FAM20C: variants seen among roughly 807,000 people sequenced by gnomAD.
FAM20C encodes the protein extracellular serine/threonine protein kinase FAM20C.
FAM20C carries 40 observed loss-of-function variants against 51.5 expected under a neutral mutation model. The ratio of observed to expected loss-of-function variants is 0.78; its 90% CI spans 0.60 to 1.01. The LOEUF (loss-of-function observed/expected upper bound fraction) is 1.01. Among genes scored for constraint, FAM20C ranks in the 50% least tolerant of loss-of-function variants. The pLI is 0.00. For synonymous variants in FAM20C, 406 were observed against 380.6 expected, an observed-to-expected ratio of 1.07 and a Z score of -0.78; for missense variants, 861 against 844.7, an observed-to-expected ratio of 1.02 and a Z score of -0.24.
intron 3 of FAM20C, among the ~76,000 whole-genome samples, chr7:216,548 G>A (rs1236563143): frequency 2.0e-5 from 3 of 151,862 alleles, no homozygotes; most frequent in East Asian, 1.9e-4. Context: ...GATGCTGGCC[G>A]GGGAATCTTT....
Position 256,670 on chromosome 7 carries a change from G to A in FAM20C, c.1270G>A (p.Asp424Asn). ...RKKAEWEVDP[D>N]YCEEVKQTPP... The stretch of plus-strand genomic sequence containing the variant: ...TCCCCGCAGGTGGGAGGTGGACCCT[G>A]ACTACTGCGAGGAGGTGAAGCAGAC... The change falls in exon 7 of 10, where the codon GAC becomes AAC. Residue 424 changes from aspartate (D) to asparagine (N), a missense_variant. Asp to Asn is a conservative substitution (Grantham distance 23). Around this residue, in one of 3 missense-constraint regions of FAM20C, gnomAD observed 269 missense variants for 283.8 expected, o/e 0.95. Transcript: ENST00000313766. 6.5e-7 allele frequency: 1 copy of A among 1,536,046 alleles called. No individual in the cohort carries two copies. The highest frequency in any genetic ancestry group is 8.7e-7 in the Non-Finnish European group (1 of 1,146,798).
chr7:252,967 A>G (rs572021528), intron 5 of FAM20C, among the ~76,000 whole-genome samples: 239 of 152,370 alleles, frequency 1.6e-3, no homozygotes, highest in African/African-American at 5.5e-3. Context: ...GAGCGCCCCC[A>G]GGACCAGGCC....
chr7:193,630 G>T lies in FAM20C; in HGVS notation c.431G>T (p.Gly144Val). 1.3e-6 allele frequency: 2 copies of T among 1,538,366 alleles called. No individual in the cohort carries two copies. Among genetic ancestry groups the T allele is most frequent in the Non-Finnish European group, 1.8e-6 (2 of 1,142,690 alleles). Residue 144 changes from glycine to valine, a missense_variant, in exon 1 of 10, where the codon GGC becomes GTC. Around this residue, in one of 3 missense-constraint regions of FAM20C, gnomAD observed 561 missense variants for 499.8 expected, o/e 1.12. Transcript: ENST00000313766. ...CACCGGCCGCTGCTGCGAGACCCCG[G>T]CCCGCGTCGGTCCGAGTCGCCCCCC... ...PAHRPLLRDP[G>V]PRRSESPPGP...
At chr7:223,220 T>G (rs1033927680) in intron 3 of FAM20C, among the ~76,000 whole-genome samples, 1 of 152,108 alleles carries the variant, frequency 6.6e-6, no homozygotes, top group Non-Finnish European at 1.5e-5. Context: ...AAGCCTGAAG[T>G]GTGGGCGTGT....
chr7:223,321 G>T (rs2115100657), intron 3 of FAM20C, among the ~76,000 whole-genome samples: 1 of 152,294 alleles, frequency 6.6e-6, no homozygotes, highest in African/African-American at 2.4e-5. Flanking sequence ...GCGGGTGGGT[G>T]CTGAGTCTTA....
At chr7:214,256 C>T (rs58725851) in intron 3 of FAM20C, among the ~76,000 whole-genome samples, 2,672 of 151,790 alleles carry the variant, frequency 0.018, 73 homozygotes, top group African/African-American at 0.059. Flanking sequence ...ACCCGGGAGG[C>T]GGAGGTTGCA....
intron 2 of FAM20C, among the ~76,000 whole-genome samples, chr7:206,122 C>T (rs548056935): frequency 8.5e-5 from 13 of 152,280 alleles, no homozygotes; most frequent in Admixed American, 2.0e-4. Context: ...GGCTGGGTTC[C>T]GTCTTCCTTC....
At chr7:218,510 C>T (rs1046966630) in intron 3 of FAM20C, among the ~76,000 whole-genome samples, 5 of 152,196 alleles carry the variant, frequency 3.3e-5, no homozygotes, top group South Asian at 2.1e-4. Context: ...GAGGCCGGGA[C>T]GCCAAGCTCC....
chr7:236,797 G>A (rs906619125), intron 3 of FAM20C, among the ~76,000 whole-genome samples: 6,912 of 104,732 alleles, frequency 0.066, 24 homozygotes, highest in African/African-American at 0.22. Flanking sequence ...GGAATCTGGG[G>A]TCCCGGTGGC....
chr7:195,709 G>C lies in FAM20C; in HGVS notation c.761G>C (p.Ser254Thr). 8 of 1,608,084 alleles carry C rather than the reference G, an allele frequency of 5.0e-6. No homozygotes were observed. Among genetic ancestry groups the C allele is most frequent in the Non-Finnish European group, 6.8e-6 (8 of 1,177,066 alleles). Residue 254 changes from serine (S) to threonine (T), a missense_variant, in exon 2 of 10, where the codon AGC becomes ACC. Ser to Thr is a moderately conservative substitution (Grantham distance 58, BLOSUM62 1). Transcript: ENST00000313766. ...ATCGAGGCCCTGCTGCACGACCTCAGCTCCCAGAGGATCACCAGCGTGGGT... is the reference window on the plus strand; with the variant it reads ...ATCGAGGCCCTGCTGCACGACCTCACCTCCCAGAGGATCACCAGCGTGGGT... The part of the protein sequence containing the change: ...PAIEALLHDL[S>T]SQRITSVAMK...
At chr7:240,376 A>T (rs1787902279) in intron 3 of FAM20C, among the ~76,000 whole-genome samples, 1 of 150,640 alleles carries the variant, frequency 6.6e-6, no homozygotes, top group Non-Finnish European at 1.5e-5. Flanking sequence ...GGTGGAGGTG[A>T]TGATCATGGT....
chr7:218,196 C>A (rs966769357), intron 3 of FAM20C, among the ~76,000 whole-genome samples: 4 of 152,354 alleles, frequency 2.6e-5, no homozygotes, highest in Admixed American at 6.5e-5. Flanking sequence ...CAGCCACAAC[C>A]ACACTGGCTG....
In FAM20C at chr7:260,033, C is replaced by T. The variant is rs900826021; in HGVS notation, c.*53C>T. 2.4e-5 allele frequency: 35 copies of T among 1,450,124 alleles called. No individual in the cohort carries two copies. The highest frequency in any genetic ancestry group is 3.0e-5 in the Non-Finnish European group (33 of 1,099,416). 89.8% of individuals were successfully genotyped at this position (1,450,124 alleles called of 1,614,324 possible). ...ACGGAGACAGAGGCGCCGGACCTCC[C>T]AGCAAGCGCATGCGCCCGTCGTGAA... On this transcript the variant is annotated 3_prime_UTR_variant, in exon 10 of 10. Coordinates refer to ENST00000313766, the MANE Select transcript of FAM20C (RefSeq NM_020223.4).
intron 2 of FAM20C, among the ~76,000 whole-genome samples, chr7:204,272 G>C (rs1039488859): frequency 2.6e-5 from 4 of 152,196 alleles, no homozygotes; most frequent in African/African-American, 9.7e-5. Flanking sequence ...ACGGAGCCTC[G>C]AGCTGCTGGC....
At chr7:204,419 T>G (rs1297309690) in intron 2 of FAM20C, among the ~76,000 whole-genome samples, 1 of 152,276 alleles carries the variant, frequency 6.6e-6, no homozygotes, top group African/African-American at 2.4e-5. Context: ...TCCAGGGCAC[T>G]GAGCCCAGCC....
At chr7:194,680 A>G (rs1453750122) in intron 1 of FAM20C, among the ~76,000 whole-genome samples, 4 of 152,082 alleles carry the variant, frequency 2.6e-5, no homozygotes, top group African/African-American at 9.7e-5. Context: ...AAATGCTTGG[A>G]AATTTGAGAA....
At chr7:255,716 A>G (rs1274555389) in intron 5 of FAM20C, 133 bp from the exon 6 acceptor site, 3 of 798,416 alleles carry the variant, frequency 3.8e-6, no homozygotes, top group Non-Finnish European at 5.6e-6. Context: ...GCTGGGATTG[A>G]TGGGGAACTG....
intron 5 of FAM20C, among the ~76,000 whole-genome samples, chr7:251,608 C>T (rs1194460975): frequency 2.0e-5 from 3 of 152,202 alleles, no homozygotes; most frequent in Non-Finnish European, 4.4e-5. Flanking sequence ...TTGGAATCCC[C>T]AGGTCCTCAG....
chr7:203,885 A>G (rs185016182), intron 2 of FAM20C, among the ~76,000 whole-genome samples: 10 of 152,318 alleles, frequency 6.6e-5, no homozygotes, highest in Admixed American at 6.5e-4. Flanking sequence ...GAACTGTTAA[A>G]TCCTGTGACC....
Sources: allele counts gnomAD v4.1 joint callset (sites outside exome capture counted in the v4.1 genomes callset), GRCh38; gene constraint gnomAD v4.1.1; regional missense constraint gnomAD v4.1.1; transcripts MANE v1.5; gene names NCBI Gene and HGNC (gene_info 2026-07-23, HGNC 2026-07-21).